The following DPEP1 variants were observed in gnomAD, a reference collection of about 807,000 sequenced individuals.
The protein encoded by DPEP1 is beta-lactamase.
A neutral mutation model predicts 42.3 loss-of-function variants in DPEP1; 50 were observed. The ratio of observed to expected loss-of-function variants is 1.18; its 90% confidence interval spans 0.94 to 1.50. The LOEUF is 1.50. Ranked by LOEUF, DPEP1 falls within the 40% of genes most tolerant of loss-of-function variation. DPEP1 has a pLI of 0.00. For missense variants in DPEP1, 663 were observed against 553.0 expected (o/e 1.20, Z -1.99); for synonymous variants, 297 against 234.0 (o/e 1.27, Z -2.46).
chr16:89,617,645 A>G (rs28415792), intron 1 of DPEP1, among the ~76,000 whole-genome samples: 268 of 6,350 alleles, frequency 0.042, 1 homozygote, highest in Middle Eastern at 0.12. Flanking sequence ...TAATCCCAGC[A>G]CTTTGGGAGG....
At chr16:89,615,803 G>T (rs2059374966) in intron 1 of DPEP1, among the ~76,000 whole-genome samples, 1 of 152,212 alleles carries the variant, frequency 6.6e-6, no homozygotes. Context: ...GGGGCCCCGG[G>T]GTCCTGGCCG....
At chr16:89,614,630 TA>T (rs774766892) in intron 1 of DPEP1, among the ~76,000 whole-genome samples, 77 of 151,604 alleles carry the variant, frequency 5.1e-4, no homozygotes, top group Admixed American at 1.1e-3. Flanking sequence ...CCGTCTCTAA[TA>T]AAAAATACAA....
At chr16:89,615,208 C>A (rs567226292) in intron 1 of DPEP1, among the ~76,000 whole-genome samples, 1 of 152,346 alleles carries the variant, frequency 6.6e-6, no homozygotes, top group East Asian at 1.9e-4. Context: ...GTCCCTCAGT[C>A]CCTGCTTGCA....
chr16:89,627,379 T>G lies in DPEP1; in HGVS notation c.-106-2926T>G, dbSNP rs1418890710. The stretch of plus-strand genomic sequence containing the variant: ...GGGCACATTATTTTAGGTCAGGAGT[T>G]CAAGACCAGCCTGACCAACATGATG... On this transcript the variant is annotated intron_variant, in intron 1 of 10. Coordinates refer to ENST00000690203, the MANE Select transcript of DPEP1 (RefSeq NM_001389466.1). 3.3e-5 allele frequency among the ~76,000 whole-genome samples: 5 copies of G among 151,326 alleles called. No individual in the cohort carries two copies. The East Asian group carries it at 9.8e-4, about 30-fold the overall frequency.
chr16:89,636,787 G>A (rs1223121929), intron 5 of DPEP1, 79 bp from the exon 6 acceptor site: 15 of 1,603,036 alleles, frequency 9.4e-6, no homozygotes, highest in Non-Finnish European at 1.2e-5. Context: ...GTGAGTCCCA[G>A]GCCGGGCCTC....
At chr16:89,637,156 G>GC (rs1345970639) in intron 6 of DPEP1, 48 bp from the exon 7 acceptor site, 1 of 1,590,156 alleles carries the variant, frequency 6.3e-7, no homozygotes, top group Non-Finnish European at 8.6e-7. Context: ...CACCTCCGCA[G>GC]CCCCGACCCT....
At chr16:89,622,552 G>A (rs1388142255) in intron 1 of DPEP1, among the ~76,000 whole-genome samples, 1 of 152,148 alleles carries the variant, frequency 6.6e-6, no homozygotes, top group Non-Finnish European at 1.5e-5. Flanking sequence ...TTGGGAGGCC[G>A]AGGCGGGTGG....
intron 1 of DPEP1, among the ~76,000 whole-genome samples, chr16:89,625,020 CT>C (rs1438069642): frequency 2.6e-5 from 4 of 152,148 alleles, no homozygotes; most frequent in African/African-American, 9.7e-5. Context: ...CGAGAGCAGC[CT>C]TTGATCCTTT....
downstream of DPEP1, among the ~76,000 whole-genome samples, chr16:89,639,495 A>C (rs1334201369): frequency 3.3e-5 from 2 of 60,254 alleles, no homozygotes; most frequent in Admixed American, 2.2e-4. Context: ...TTCACATCCC[A>C]CCCCTGCACA....
chr16:89,627,733 T>A (rs1384850090), intron 1 of DPEP1, among the ~76,000 whole-genome samples: 2 of 126,586 alleles, frequency 1.6e-5, no homozygotes, highest in Non-Finnish European at 3.2e-5. Flanking sequence ...CAATCTCGGC[T>A]CACTGCAACC....
Position 89,636,249 on chromosome 16 carries a change from C to T in DPEP1, c.238-15C>T, listed in dbSNP as rs771111617. 3 of 1,601,030 alleles carry T rather than the reference C, an allele frequency of 1.9e-6. No individual in the cohort carries two copies. Among genetic ancestry groups the T allele is most frequent in the African/African-American group, 1.3e-5 (1 of 74,932 alleles). On this transcript the variant is annotated splice_polypyrimidine_tract_variant and intron_variant, in intron 3 of 10. Coordinates refer to ENST00000690203, the MANE Select transcript of DPEP1 (RefSeq NM_001389466.1). The stretch of plus-strand genomic sequence containing the variant: ...CCTGGCTGCATCAGCTCCTGGCACC[C>T]CCTGCGGCCCACAGTTCTGGTCCGT...
At chr16:89,618,773 C>T (rs973525943) in intron 1 of DPEP1, among the ~76,000 whole-genome samples, 21 of 152,048 alleles carry the variant, frequency 1.4e-4, no homozygotes, top group East Asian at 5.8e-4. Flanking sequence ...TTGCACAATT[C>T]GCATTTTGTA....
intron 1 of DPEP1, among the ~76,000 whole-genome samples, chr16:89,625,462 T>C (rs2059498763): frequency 6.6e-6 from 1 of 152,160 alleles, no homozygotes; most frequent in African/African-American, 2.4e-5. Flanking sequence ...TGGGATCCAG[T>C]TTCCACGTGA....
intron 2 of DPEP1, among the ~76,000 whole-genome samples, chr16:89,634,334 A>T (rs61659339): frequency 4.0e-5 from 6 of 151,826 alleles, no homozygotes; most frequent in Non-Finnish European, 8.8e-5. Context: ...TGATCTGCCC[A>T]CCTCGGCCTC....
chr16:89,624,980 T>A (rs1016810257), intron 1 of DPEP1, among the ~76,000 whole-genome samples: 1 of 152,184 alleles, frequency 6.6e-6, no homozygotes, highest in African/African-American at 2.4e-5. Context: ...CACTTTCCTT[T>A]CCATCTGGGA....
chr16:89,624,109 G>A (rs2059478346), intron 1 of DPEP1, among the ~76,000 whole-genome samples: 1 of 152,124 alleles, frequency 6.6e-6, no homozygotes. Context: ...CAGACAGGAG[G>A]ACTGGGGAGT....
intron 1 of DPEP1, chr16:89,616,769 C>T (rs1420158414): frequency 4.4e-5 from 12 of 269,784 alleles, no homozygotes; most frequent in Middle Eastern, 1.5e-3. Flanking sequence ...GACCAGGAAG[C>T]GGCCAGGAAG....
chr16:89,618,206 TA>T (rs1221764976), intron 1 of DPEP1, among the ~76,000 whole-genome samples: 1 of 152,178 alleles, frequency 6.6e-6, no homozygotes, highest in Non-Finnish European at 1.5e-5. Flanking sequence ...ATTTTTATTT[TA>T]ATTAATTTAT....
intron 1 of DPEP1, among the ~76,000 whole-genome samples, chr16:89,614,390 C>T (rs988091420): frequency 6.6e-6 from 1 of 152,232 alleles, no homozygotes; most frequent in Admixed American, 6.5e-5. Context: ...CGGACTTACT[C>T]TCTGTTCTGG....
Sources: gnomAD v4.1 joint callset for allele counts (sites outside exome capture counted in the v4.1 genomes callset) on GRCh38, gnomAD v4.1.1 for gene constraint, MANE v1.5 for transcripts, NCBI Gene and HGNC (gene_info 2026-07-23, HGNC 2026-07-21) for gene names.